Variants in TOX observed in about 807,000 individuals in gnomAD.
TOX encodes thymocyte selection associated high mobility group box, also known as thymocyte selection-associated high mobility group box protein TOX.
A neutral mutation model predicts 53.7 loss-of-function variants in TOX; 11 were observed. The ratio of observed to expected loss-of-function variants is 0.20; its 90% CI spans 0.13 to 0.34. TOX has a LOEUF of 0.34. Among genes scored for constraint, TOX ranks in the 10% least tolerant of loss-of-function variants. The pLI is 1.00. For synonymous variants in TOX, 225 were observed against 245.3 expected, an observed-to-expected ratio of 0.92 and a Z score of 0.77; for missense variants, 570 against 664.6, an observed-to-expected ratio of 0.86 and a Z score of 1.56.
chr8:59,002,549 C>T (rs1813712087), intron 1 of TOX, among the ~76,000 whole-genome samples: 1 of 151,104 alleles, frequency 6.6e-6, no homozygotes, highest in African/African-American at 2.4e-5. Context: ...CGAGATCGCG[C>T]CACTGCACTC....
At chr8:58,956,475 T>C (rs926622982) in intron 2 of TOX, among the ~76,000 whole-genome samples, 1 of 152,218 alleles carries the variant, frequency 6.6e-6, no homozygotes, top group Non-Finnish European at 1.5e-5. Context: ...ATGATATACA[T>C]ATAGATAATA....
intron 1 of TOX, among the ~76,000 whole-genome samples, chr8:59,012,604 G>T (rs1813926933): frequency 6.6e-6 from 1 of 152,056 alleles, no homozygotes; most frequent in Non-Finnish European, 1.5e-5. Flanking sequence ...TTTGTCTCTA[G>T]AAAAGGCTTC....
At chr8:59,001,656 G>A (rs1308174144) in intron 1 of TOX, among the ~76,000 whole-genome samples, 1 of 152,160 alleles carries the variant, frequency 6.6e-6, no homozygotes, top group Non-Finnish European at 1.5e-5. Flanking sequence ...GAATGCATTC[G>A]TGGAACAAAA....
intron 1 of TOX, among the ~76,000 whole-genome samples, chr8:58,989,790 GC>G: frequency 6.6e-6 from 1 of 152,292 alleles, no homozygotes; most frequent in South Asian, 2.1e-4. Flanking sequence ...AAGAGTGACA[GC>G]CCAGTATGAC....
At chr8:58,877,621 T>C (rs995594182) in intron 3 of TOX, among the ~76,000 whole-genome samples, 1 of 152,182 alleles carries the variant, frequency 6.6e-6, no homozygotes, top group Non-Finnish European at 1.5e-5. Context: ...ACCAAAGATA[T>C]ATGTAATCAG....
rs1462605633 is a variant in TOX at position 58,929,084 on chromosome 8, AAG to A, written c.411+10216_411+10217del. Among the ~76,000 whole-genome samples, 3 of 152,126 alleles carry A rather than the reference AAG, an allele frequency of 2.0e-5. 1 individual carries two copies. Among genetic ancestry groups the A allele is most frequent in the Admixed American group, 2.0e-4 (3 of 15,278 alleles). On this transcript the variant is annotated intron_variant, in intron 3 of 8. Coordinates refer to ENST00000361421, the MANE Select transcript of TOX (RefSeq NM_014729.3). Reference sequence around the variant, plus strand: ...TAAAAATGCTACCCTGAATTACAAAAAGAAGTTTAATCCTCTCTCTGTCAAAG... The same window carrying A: ...TAAAAATGCTACCCTGAATTACAAAAAAGTTTAATCCTCTCTCTGTCAAAG...
intron 5 of TOX, among the ~76,000 whole-genome samples, chr8:58,836,196 G>C (rs554056798): frequency 6.6e-6 from 1 of 152,282 alleles, no homozygotes; most frequent in South Asian, 2.1e-4. Context: ...TAAGGGAACA[G>C]GGAGGGGGTT....
At chr8:59,058,349 T>C (rs888627581) in intron 1 of TOX, among the ~76,000 whole-genome samples, 1 of 152,108 alleles carries the variant, frequency 6.6e-6, no homozygotes, top group African/African-American at 2.4e-5. Context: ...GTTTCTAAGA[T>C]GACATAAAGG....
chr8:58,861,896 A>G (rs1017372671), intron 3 of TOX, among the ~76,000 whole-genome samples: 2 of 152,188 alleles, frequency 1.3e-5, no homozygotes, highest in Non-Finnish European at 2.9e-5. Flanking sequence ...GAGTTCATTT[A>G]GAGGCACTTA....
At chr8:59,021,783 T>C (rs780913145) in intron 1 of TOX, among the ~76,000 whole-genome samples, 10 of 152,086 alleles carry the variant, frequency 6.6e-5, no homozygotes, top group Non-Finnish European at 1.3e-4. Flanking sequence ...AAAATCATGA[T>C]TGAAATTCCA....
intron 1 of TOX, among the ~76,000 whole-genome samples, chr8:58,995,790 T>C (rs1813549352): frequency 6.6e-6 from 1 of 152,270 alleles, no homozygotes; most frequent in Non-Finnish European, 1.5e-5. Flanking sequence ...CCTCAGTGAC[T>C]GATGTACTTG....
intron 1 of TOX, among the ~76,000 whole-genome samples, chr8:59,109,821 A>C (rs1226197819): frequency 6.6e-6 from 1 of 152,150 alleles, no homozygotes; most frequent in East Asian, 1.9e-4. Flanking sequence ...ACGTACTTAC[A>C]GGAGCTGAAT....
intron 1 of TOX, among the ~76,000 whole-genome samples, chr8:59,018,495 A>G (rs1814056700): frequency 6.6e-6 from 1 of 152,180 alleles, no homozygotes; most frequent in African/African-American, 2.4e-5. Context: ...ACGCTCCAAT[A>G]GATTAAGTAA....
chr8:58,944,276 T>C (rs1812490678), intron 2 of TOX, among the ~76,000 whole-genome samples: 2 of 152,192 alleles, frequency 1.3e-5, no homozygotes, highest in East Asian at 1.9e-4. Flanking sequence ...TGGTTAATTC[T>C]GGAAAATAGA....
At chr8:59,099,568 T>C (rs918595412) in intron 1 of TOX, among the ~76,000 whole-genome samples, 60 of 152,336 alleles carry the variant, frequency 3.9e-4, no homozygotes, top group African/African-American at 1.3e-3. Context: ...TTTGACATTA[T>C]AGACTTGTAG....
chr8:59,005,240 G>A (rs1194376489), intron 1 of TOX, among the ~76,000 whole-genome samples: 5 of 151,986 alleles, frequency 3.3e-5, no homozygotes, highest in East Asian at 3.9e-4. Context: ...GGGTTTCACC[G>A]TGTTAGCCAG....
chr8:59,067,688 C>G (rs1484447922), intron 1 of TOX, among the ~76,000 whole-genome samples: 1 of 152,010 alleles, frequency 6.6e-6, no homozygotes, highest in Non-Finnish European at 1.5e-5. Flanking sequence ...CTCCAAGGAT[C>G]AGGCTCCTAC....
chr8:58,988,743 T>C (rs1813384877), intron 1 of TOX, among the ~76,000 whole-genome samples: 2 of 152,150 alleles, frequency 1.3e-5, no homozygotes, highest in Non-Finnish European at 2.9e-5. Flanking sequence ...AATATGCCAA[T>C]GTGCACAGGA....
At chr8:59,062,628 G>A (rs1222322271) in intron 1 of TOX, among the ~76,000 whole-genome samples, 2 of 152,120 alleles carry the variant, frequency 1.3e-5, no homozygotes, top group African/African-American at 2.4e-5. Context: ...ACTTAACAAC[G>A]GGTGTCGTTC....
Sources: gnomAD v4.1 joint callset for allele counts (sites outside exome capture counted in the v4.1 genomes callset) on GRCh38, gnomAD v4.1.1 for gene constraint, MANE v1.5 for transcripts, NCBI Gene and HGNC (gene_info 2026-07-23, HGNC 2026-07-21) for gene names.